Variants in RPS6KB1 observed in about 807,000 individuals in gnomAD.
RPS6KB1 encodes the protein ribosomal protein S6 kinase B1.
Under a neutral mutation model 70.2 loss-of-function variants are expected in RPS6KB1, and 12 were observed. That is an observed-to-expected ratio of 0.17 (90% CI 0.11 to 0.28). The LOEUF (loss-of-function observed/expected upper bound fraction) is 0.28. RPS6KB1 is among the 10% of genes least tolerant of loss of function. The pLI, the probability that RPS6KB1 is intolerant of heterozygous loss-of-function variation, is 1.00. For missense variants in RPS6KB1, 270 were observed against 646.6 expected, an observed-to-expected ratio of 0.42 and a Z score of 6.32; for synonymous variants, 175 against 211.2, an observed-to-expected ratio of 0.83 and a Z score of 1.49.
chr17:59,921,555 T>C (rs1445831023), intron 4 of RPS6KB1, among the ~76,000 whole-genome samples: 2 of 152,154 alleles, frequency 1.3e-5, no homozygotes, highest in Non-Finnish European at 2.9e-5. Context: ...GACTTTAAGA[T>C]GAAATCAGAG....
Position 59,893,298 on chromosome 17 carries a change from G to C in RPS6KB1, c.114G>C (p.Ala38=), listed in dbSNP as rs200955904. The change falls in exon 1 of 15, where the codon GCG becomes GCC. Residue 38 remains alanine (A), a synonymous_variant. Transcript: ENST00000225577. The surrounding 1 kb of genome is among the most constrained non-coding windows in gnomAD (Gnocchi z 4.1). ...FDIDLDQPED[A]GSEDELEEGG... The stretch of plus-strand genomic sequence containing the variant: ...TAGACCTGGACCAGCCAGAGGACGC[G>C]GGCTCTGAGGATGAGCTGGAGGAGG... The C allele has an allele frequency of 3.7e-6, 6 of 1,611,146 alleles. No homozygotes were observed. The East Asian group carries it at 1.3e-4, about 36-fold the overall frequency.
At chr17:59,929,715 C>G (rs1227934449) in intron 5 of RPS6KB1, among the ~76,000 whole-genome samples, 1 of 152,116 alleles carries the variant, frequency 6.6e-6, no homozygotes, top group African/African-American at 2.4e-5. Flanking sequence ...TCTGAAAATA[C>G]GAAATATGAG....
intron 12 of RPS6KB1, among the ~76,000 whole-genome samples, chr17:59,938,390 G>A (rs1281757059): frequency 6.7e-6 from 1 of 148,490 alleles, no homozygotes; most frequent in African/African-American, 2.5e-5. Context: ...TTTTGTTGTT[G>A]TTGTTTTTCC....
chr17:59,940,978 T>G (rs1568500793), intron 13 of RPS6KB1, 35 bp downstream of exon 13: 2 of 1,393,428 alleles, frequency 1.4e-6, no homozygotes, highest in Non-Finnish European at 2.0e-6. Context: ...TCATGGGAAA[T>G]TTTAGTGTGA....
At chr17:59,936,300 T>A in intron 11 of RPS6KB1, 23 bp downstream of exon 11, 1 of 1,583,608 alleles carries the variant, frequency 6.3e-7, no homozygotes, top group Non-Finnish European at 8.6e-7. Flanking sequence ...ATCTTTGGTG[T>A]TTTGTGGGGA....
chr17:59,893,660 G>C lies in RPS6KB1; in HGVS notation c.141+335G>C. 1 of 524,638 alleles carries C rather than the reference G, an allele frequency of 1.9e-6. No homozygotes were observed. The highest frequency in any genetic ancestry group is 4.8e-5 in the Admixed American group (1 of 20,904). 32.5% of individuals were successfully genotyped at this position (524,638 alleles called of 1,614,324 possible). A position where few individuals can be genotyped will look rare whatever the true frequency, so the allele number is the denominator to read the frequency against. The stretch of plus-strand genomic sequence containing the variant: ...TGGCGTGAGCGTGTGTTGGGGAGAC[G>C]GGGGCTGCTCTTGCTGGGTGTCCCG... On this transcript the variant is annotated intron_variant, in intron 1 of 14. Transcript: ENST00000225577. The surrounding 1 kb of genome is among the most constrained non-coding windows in gnomAD (Gnocchi z 4.1).
rs1568414451 is a variant in RPS6KB1 at position 59,910,859 on chromosome 17, TGTTA to T, written c.191+252_191+255del. On this transcript the variant is annotated intron_variant, in intron 2 of 14. Transcript: ENST00000225577. ...CAGAGTACTAAATATGAATCTGAGT[TGTTA>T]GTTTAAAGAGCCACAGTTTTAATCT... is the stretch of plus-strand genomic sequence containing the variant. Among the ~76,000 whole-genome samples, 3 of 152,332 alleles carry T rather than the reference TGTTA, an allele frequency of 2.0e-5. No homozygotes were observed. The South Asian group carries it at 6.2e-4, about 32-fold the overall frequency.
intron 10 of RPS6KB1, among the ~76,000 whole-genome samples, chr17:59,935,787 A>C (rs1348988163): frequency 6.7e-6 from 1 of 149,786 alleles, no homozygotes; most frequent in African/African-American, 2.5e-5. Flanking sequence ...AGTAGTAATT[A>C]GTAAACTATA....
chr17:59,941,194 T>C (rs1163694322), intron 13 of RPS6KB1, among the ~76,000 whole-genome samples: 1 of 152,100 alleles, frequency 6.6e-6, no homozygotes, highest in Non-Finnish European at 1.5e-5. Context: ...CTTTTTTTTT[T>C]AGGCCACAGA....
intron 13 of RPS6KB1, among the ~76,000 whole-genome samples, chr17:59,942,070 G>A (rs2044638863): frequency 1.3e-5 from 2 of 152,016 alleles, no homozygotes; most frequent in South Asian, 2.1e-4. Context: ...GTGTTAGCCA[G>A]GATAGTTTTG....
At chr17:59,929,098 A>G (rs1056790116) in intron 5 of RPS6KB1, among the ~76,000 whole-genome samples, 3 of 151,680 alleles carry the variant, frequency 2.0e-5, no homozygotes, top group Admixed American at 6.6e-5. Context: ...AGATTATTTA[A>G]ATATCTTTCA....
rs374786202 is a variant in RPS6KB1, at chr17:59,910,679, C to T, written c.191+68C>T. On this transcript the variant is annotated intron_variant, in intron 2 of 14. Transcript: ENST00000225577. Reference sequence around the variant, plus strand: ...CAAGTAGGTTTTATCAGTTCTATTTCGTAGCAATCATGTGATTCCTGTAAC... The same window carrying T: ...CAAGTAGGTTTTATCAGTTCTATTTTGTAGCAATCATGTGATTCCTGTAAC... The T allele has an allele frequency of 6.1e-4, 590 of 971,770 alleles. 1 individual carries two copies. The highest frequency in any genetic ancestry group is 1.4e-3 in the South Asian group (93 of 68,358). 60.2% of individuals were successfully genotyped at this position (971,770 alleles called of 1,614,324 possible).
intron 10 of RPS6KB1, among the ~76,000 whole-genome samples, chr17:59,935,817 C>T (rs1213061750): frequency 2.8e-5 from 4 of 145,384 alleles, no homozygotes; most frequent in African/African-American, 1.0e-4. Flanking sequence ...CTTTTCTTTT[C>T]TTTTTTTTCT....
intron 12 of RPS6KB1, among the ~76,000 whole-genome samples, chr17:59,940,427 C>T (rs1598823746): frequency 6.6e-6 from 1 of 151,860 alleles, no homozygotes; most frequent in Non-Finnish European, 1.5e-5. Context: ...GCTAGGATTA[C>T]AGGCACACGC....
At chr17:59,942,137 C>G (rs1242209678) in intron 13 of RPS6KB1, among the ~76,000 whole-genome samples, 1 of 152,112 alleles carries the variant, frequency 6.6e-6, no homozygotes, top group East Asian at 1.9e-4. Context: ...GGATTACAGG[C>G]GTAAGCCACC....
intron 4 of RPS6KB1, among the ~76,000 whole-genome samples, chr17:59,924,915 G>A (rs370720635): frequency 6.6e-6 from 1 of 151,506 alleles, no homozygotes; most frequent in Non-Finnish European, 1.5e-5. Flanking sequence ...TGCAAGCTCC[G>A]CCTCCCAGGT....
At chr17:59,910,722 G>T in intron 2 of RPS6KB1, 111 bp downstream of exon 2, 1 of 689,156 alleles carries the variant, frequency 1.5e-6, no homozygotes. Flanking sequence ...TAAATATGTA[G>T]TCATATTTAT....
intron 13 of RPS6KB1, among the ~76,000 whole-genome samples, chr17:59,941,778 C>T (rs1338656415): frequency 2.0e-4 from 30 of 149,020 alleles, no homozygotes; most frequent in East Asian, 9.9e-4. Flanking sequence ...GGACTATAGG[C>T]GTGCGCCACC....
intron 1 of RPS6KB1, among the ~76,000 whole-genome samples, chr17:59,904,897 A>G (rs1262068828): frequency 4.0e-5 from 6 of 151,488 alleles, no homozygotes; most frequent in South Asian, 2.1e-4. Context: ...GGGTTTCACT[A>G]TGTTGGCCAG....
Sources: gnomAD v4.1 joint callset for allele counts (sites outside exome capture counted in the v4.1 genomes callset) on GRCh38, gnomAD v4.1.1 for gene constraint, Gnocchi (gnomAD v3.1) non-coding constraint, MANE v1.5 for transcripts, NCBI Gene and HGNC (gene_info 2026-07-23, HGNC 2026-07-21) for gene names.